POM121C: variants seen among roughly 807,000 people sequenced by gnomAD.
POM121C encodes POM121 transmembrane nucleoporin C, also known as nuclear envelope pore membrane protein POM 121C.
POM121C carries 20 observed loss-of-function variants against 66.4 expected under a neutral mutation model. The observed-to-expected ratio is 0.30, with a 90% CI of 0.21 to 0.44. POM121C has a LOEUF of 0.44. Ranked by LOEUF, POM121C falls within the 20% of genes least tolerant of loss-of-function variation. The pLI, the probability that POM121C is intolerant of heterozygous loss-of-function variation, is 1.00. For synonymous variants in POM121C, 286 were observed against 528.0 expected, an observed-to-expected ratio of 0.54 and a Z score of 6.28; for missense variants, 580 against 1,225.7, an observed-to-expected ratio of 0.47 and a Z score of 7.87.
chr7:75,454,621 A>G (rs2116458228), intron 3 of POM121C, among the ~76,000 whole-genome samples: 1 of 152,354 alleles, frequency 6.6e-6, no homozygotes, highest in Non-Finnish European at 1.5e-5. Context: ...TGCATGGTCT[A>G]GATCCACTCT....
intron 7 of POM121C, among the ~76,000 whole-genome samples, chr7:75,430,653 A>C (rs1248539955): frequency 6.6e-6 from 1 of 152,202 alleles, no homozygotes; most frequent in Non-Finnish European, 1.5e-5. Flanking sequence ...TACACAAACT[A>C]TGCTAACTAC....
Position 75,418,808 on chromosome 7 carries a change from G to C in POM121C, c.2952C>G (p.Thr984=). ...RQRLQARRQH[T]RKK is the part of the protein sequence containing the mutation. ...CAGGGGACAAAGGCTACTTTTTGCG[G>C]GTGTGCTGCCTTCGGGCCTGCAGTC... Residue 984 remains threonine (T), a synonymous_variant, in exon 15 of 15, where the codon ACC becomes ACG. Coordinates refer to ENST00000615331, the MANE Select transcript of POM121C (RefSeq NM_001099415.3). 1.2e-6 allele frequency: 2 copies of C among 1,609,744 alleles called. No individual in the cohort carries two copies. The highest frequency in any genetic ancestry group is 1.7e-6 in the Non-Finnish European group (2 of 1,179,156).
rs1789560323 is a variant in POM121C, at chr7:75,418,414, C to T, written c.*382G>A. On this transcript the variant is annotated 3_prime_UTR_variant, in exon 15 of 15. Coordinates refer to ENST00000615331, the MANE Select transcript of POM121C (RefSeq NM_001099415.3). ...ATCCCATCAGGTGCACACCACCGATCCAGGCGGGCTGGACCCTGCCCCCTC... is the reference window on the plus strand; with the variant it reads ...ATCCCATCAGGTGCACACCACCGATTCAGGCGGGCTGGACCCTGCCCCCTC... 3.9e-6 allele frequency: 4 copies of T among 1,020,596 alleles called. No individual in the cohort carries two copies. The highest frequency in any genetic ancestry group is 4.7e-6 in the Non-Finnish European group (4 of 852,842). 63.2% of individuals were successfully genotyped at this position (1,020,596 alleles called of 1,614,324 possible).
intron 7 of POM121C, among the ~76,000 whole-genome samples, chr7:75,429,077 C>T (rs1790070077): frequency 6.6e-6 from 1 of 152,048 alleles, no homozygotes. Context: ...TGTACGTACA[C>T]ACTCATTTCA....
At chr7:75,427,948 G>C (rs1438286525) in intron 7 of POM121C, among the ~76,000 whole-genome samples, 6 of 152,246 alleles carry the variant, frequency 3.9e-5, no homozygotes, top group Admixed American at 2.6e-4. Flanking sequence ...AACAGTTGAA[G>C]TTACGCTCAA....
At chr7:75,473,758 G>C (rs1439655400) in intron 3 of POM121C, among the ~76,000 whole-genome samples, 5 of 150,870 alleles carry the variant, frequency 3.3e-5, no homozygotes, top group Non-Finnish European at 5.9e-5. Context: ...GCGGGATCTC[G>C]GCTCACTGCA....
At chr7:75,472,951 G>A (rs1791931557) in intron 3 of POM121C, among the ~76,000 whole-genome samples, 1 of 152,208 alleles carries the variant, frequency 6.6e-6, no homozygotes, top group South Asian at 2.1e-4. Context: ...TGGATCCACT[G>A]TAATCCAGGT....
chr7:75,436,591 A>T (rs1790421701), intron 7 of POM121C, among the ~76,000 whole-genome samples: 1 of 152,116 alleles, frequency 6.6e-6, no homozygotes, highest in African/African-American at 2.4e-5. Flanking sequence ...TTGTCTCAAA[A>T]ACGTTTCTCC....
rs1554469926 is a variant in POM121C, at chr7:75,417,335, C to G, written c.*1461G>C. The G allele has an allele frequency of 1.1e-6, 1 of 875,258 alleles. No homozygotes were observed. Among genetic ancestry groups the G allele is most frequent in the Non-Finnish European group, 1.4e-6 (1 of 729,368 alleles). 54.2% of individuals were successfully genotyped at this position (875,258 alleles called of 1,614,324 possible). On this transcript the variant is annotated 3_prime_UTR_variant, in exon 15 of 15. Coordinates refer to ENST00000615331, the MANE Select transcript of POM121C (RefSeq NM_001099415.3). ...GCACAGGCATAACTTAACTATACAGCTAATTCCTAGTTAATAGCATTTATA... is the reference window on the plus strand; with the variant it reads ...GCACAGGCATAACTTAACTATACAGGTAATTCCTAGTTAATAGCATTTATA...
At chr7:75,471,503 C>G (rs1329516453) in intron 3 of POM121C, among the ~76,000 whole-genome samples, 1 of 151,908 alleles carries the variant, frequency 6.6e-6, no homozygotes, top group African/African-American at 2.4e-5. Flanking sequence ...CGGCCGAGAC[C>G]TTGACTCTTA....
intron 3 of POM121C, among the ~76,000 whole-genome samples, chr7:75,461,381 A>G (rs1220484665): frequency 6.6e-6 from 1 of 152,156 alleles, no homozygotes; most frequent in Non-Finnish European, 1.5e-5. Context: ...TTCTTTGCCC[A>G]TGGAAGATTC....
rs150161203 is a variant in POM121C, at chr7:75,474,331, T to C, written c.-152+373A>G. 5.7e-4 allele frequency among the ~76,000 whole-genome samples: 86 copies of C among 152,212 alleles called. 1 individual carries two copies. The East Asian group carries it at 0.016, about 29-fold the overall frequency. The stretch of plus-strand genomic sequence containing the variant: ...ATCGCTTGAACCTGGGAGGTGATGG[T>C]TGCAGTGAGCTGAGATCATACCAGT... On this transcript the variant is annotated intron_variant, in intron 3 of 14. Transcript: ENST00000615331.
At chr7:75,440,720 C>T (rs1351456921) in intron 5 of POM121C, 12 of 591,226 alleles carry the variant, frequency 2.0e-5, no homozygotes, top group Admixed American at 3.0e-5. Flanking sequence ...TAATAGCTGT[C>T]AGCTTATCTC....
At position 75,481,723 on chromosome 7, in the gene POM121C, G is replaced by C. The variant is rs1344507603; in HGVS notation, c.-458+4141C>G. 3.3e-5 allele frequency among the ~76,000 whole-genome samples: 5 copies of C among 152,104 alleles called. No homozygotes were observed. The East Asian group carries it at 9.6e-4, about 29-fold the overall frequency. On this transcript the variant is annotated intron_variant, in intron 1 of 14. Transcript: ENST00000615331. ...TGACTATACTCCCAGCTACTTGGGAGGCTGAAGTGGGAGGATCACTTGAGC... is the reference window on the plus strand; with the variant it reads ...TGACTATACTCCCAGCTACTTGGGACGCTGAAGTGGGAGGATCACTTGAGC...
At chr7:75,441,761 A>G in intron 3 of POM121C, 114 bp from the exon 4 acceptor site, 2 of 1,037,410 alleles carry the variant, frequency 1.9e-6, no homozygotes, top group South Asian at 3.1e-5. Context: ...ATCTCTTTCT[A>G]CGCAACACAG....
At chr7:75,468,251 C>T (rs1306120017) in intron 3 of POM121C, among the ~76,000 whole-genome samples, 3 of 151,294 alleles carry the variant, frequency 2.0e-5, no homozygotes, top group Admixed American at 6.6e-5. Flanking sequence ...TATACAACGC[C>T]TTCCCAGGTA....
intron 7 of POM121C, among the ~76,000 whole-genome samples, chr7:75,437,299 T>C (rs1384105390): frequency 6.6e-6 from 1 of 152,204 alleles, no homozygotes; most frequent in Non-Finnish European, 1.5e-5. Flanking sequence ...GCTAACCAAT[T>C]ACTTTATTTA....
At chr7:75,454,409 G>C (rs1162834511) in intron 3 of POM121C, among the ~76,000 whole-genome samples, 12 of 152,208 alleles carry the variant, frequency 7.9e-5, no homozygotes, top group African/African-American at 2.9e-4. Context: ...TGGATGGTTT[G>C]CTTCAGTATG....
chr7:75,440,165 G>A (rs1790580385), intron 5 of POM121C, among the ~76,000 whole-genome samples: 1 of 151,956 alleles, frequency 6.6e-6, no homozygotes, highest in Non-Finnish European at 1.5e-5. Flanking sequence ...ATAGGCGTGA[G>A]CCACCTTGCC....
Sources: gnomAD v4.1 joint callset for allele counts (sites outside exome capture counted in the v4.1 genomes callset) on GRCh38, gnomAD v4.1.1 for gene constraint, MANE v1.5 for transcripts, NCBI Gene and HGNC (gene_info 2026-07-23, HGNC 2026-07-21) for gene names.